The following IQSEC1 variants were observed in gnomAD, a reference collection of about 807,000 sequenced individuals.
The protein encoded by IQSEC1 is IQ motif and SEC7 domain-containing protein 1.
A neutral mutation model predicts 91.0 loss-of-function variants in IQSEC1; 31 were observed. The ratio of observed to expected loss-of-function variants is 0.34; its 90% confidence interval spans 0.26 to 0.46. The LOEUF (loss-of-function observed/expected upper bound fraction) is 0.46, where lower values mean the gene tolerates loss of function less well. Among genes scored for constraint, IQSEC1 ranks in the 20% least tolerant of loss-of-function variants. The pLI is 1.00. For missense variants in IQSEC1, 1,388 were observed against 1,575.6 expected (o/e 0.88, Z 2.02); for synonymous variants, 699 against 662.6 (o/e 1.05, Z -0.84).
At chr3:13,095,386 C>A (rs1705936912) in intron 2 of IQSEC1, among the ~76,000 whole-genome samples, 1 of 152,132 alleles carries the variant, frequency 6.6e-6, no homozygotes, top group Non-Finnish European at 1.5e-5. Flanking sequence ...TGGGATTTAA[C>A]CAGCCTTGGC....
intron 1 of IQSEC1, among the ~76,000 whole-genome samples, chr3:13,202,056 A>G (rs960058089): frequency 6.6e-5 from 10 of 152,212 alleles, no homozygotes; most frequent in African/African-American, 2.4e-4. Context: ...TGCTTCAGTG[A>G]TCAGACGTTG....
chr3:13,023,731 A>G (rs913460449), intron 1 of IQSEC1, among the ~76,000 whole-genome samples: 7 of 152,320 alleles, frequency 4.6e-5, no homozygotes, highest in African/African-American at 1.7e-4. Flanking sequence ...CTGAGCCAGG[A>G]AAGAACTTTT....
chr3:13,039,093 G>C (rs1031379615), intron 1 of IQSEC1, among the ~76,000 whole-genome samples: 1 of 152,202 alleles, frequency 6.6e-6, no homozygotes, highest in African/African-American at 2.4e-5. Context: ...CTTCCCACCT[G>C]AACTATTTCA....
chr3:13,176,231 A>G (rs537998826), intron 1 of IQSEC1, among the ~76,000 whole-genome samples: 1 of 152,328 alleles, frequency 6.6e-6, no homozygotes, highest in African/African-American at 2.4e-5. Flanking sequence ...AGATGACTAT[A>G]GCCCCCACCC....
At position 13,008,116 on chromosome 3, in the gene IQSEC1, T is replaced by C. The variant is rs2124887140; in HGVS notation, c.23+64876A>G. Among the ~76,000 whole-genome samples the C allele has an allele frequency of 6.6e-6, 1 of 152,308 alleles. No individual in the cohort carries two copies. Among genetic ancestry groups the C allele is most frequent in the East Asian group, 1.9e-4 (1 of 5,174 alleles). On this transcript the variant is annotated intron_variant, in intron 1 of 13. Coordinates refer to ENST00000613206, the MANE Select transcript of IQSEC1 (RefSeq NM_001134382.3). This position sits in a 1 kb window ranked among gnomAD's most constrained non-coding sequence, Gnocchi z 4.1. ...CCTTCTGAGTGTCTGTACCTGAAGATGAAACGGGGTTACTTAGGTACTTCT... is the reference window on the plus strand; with the variant it reads ...CCTTCTGAGTGTCTGTACCTGAAGACGAAACGGGGTTACTTAGGTACTTCT...
In IQSEC1 at chr3:12,897,296, GACAA is replaced by G. The variant is rs1376091508; in HGVS notation, c.*3683_*3686del. The G allele has an allele frequency of 5.9e-5, 9 of 152,242 alleles. No homozygotes were observed. Among genetic ancestry groups the G allele is most frequent in the Non-Finnish European group, 8.8e-5 (6 of 68,036 alleles). The allele number at this position is 152,242 out of a possible 1,614,324, so 9.4% of individuals were successfully genotyped here. A position where few individuals can be genotyped will look rare whatever the true frequency, so the allele number is the denominator to read the frequency against. ...TACATTGATAGAGTCTGTTGCCACT[GACAA>G]ACAGAATGCAGATGAAAACAAACGC... On this transcript the variant is annotated 3_prime_UTR_variant, in exon 14 of 14. Coordinates refer to ENST00000613206, the MANE Select transcript of IQSEC1 (RefSeq NM_001134382.3).
intron 2 of IQSEC1, among the ~76,000 whole-genome samples, chr3:13,083,026 G>T (rs374426986): frequency 9.2e-5 from 14 of 152,342 alleles, no homozygotes; most frequent in African/African-American, 3.1e-4. Context: ...GTCGACCTGA[G>T]AAGGGACTCT....
intron 1 of IQSEC1, among the ~76,000 whole-genome samples, chr3:13,191,652 T>C (rs993647709): frequency 2.6e-5 from 4 of 152,252 alleles, no homozygotes; most frequent in Non-Finnish European, 1.5e-5. Context: ...ACTGGTTTTT[T>C]ATCTTTTTAT....
rs562372153 is a variant in IQSEC1 at position 12,899,352 on chromosome 3, T to A, written c.*1631A>T. ...CGCCCTTTCTGAAAGGGCCTCCGCC[T>A]GGGCAGGCGCCGGGGGGCAGTCCTC... is the stretch of plus-strand genomic sequence containing the variant. On this transcript the variant is annotated 3_prime_UTR_variant, in exon 14 of 14. Coordinates refer to ENST00000613206, the MANE Select transcript of IQSEC1 (RefSeq NM_001134382.3). The A allele has an allele frequency of 1.2e-6, 2 of 1,610,016 alleles. No homozygotes were observed. The highest frequency in any genetic ancestry group is 2.2e-5 in the South Asian group (2 of 90,698).
rs1422111485 is a variant in IQSEC1 at position 13,016,391 on chromosome 3, C to A, written c.23+56601G>T. ...ACATCTCAACCGGCCTTCCCTGCCCCCAACGCCCCACCACTCCCTCTCCAC... is the reference window on the plus strand; with the variant it reads ...ACATCTCAACCGGCCTTCCCTGCCCACAACGCCCCACCACTCCCTCTCCAC... On this transcript the variant is annotated intron_variant, in intron 1 of 13. Coordinates refer to ENST00000613206, the MANE Select transcript of IQSEC1 (RefSeq NM_001134382.3). 3.3e-5 allele frequency among the ~76,000 whole-genome samples: 5 copies of A among 152,360 alleles called. No homozygotes were observed. In the East Asian group the frequency reaches 9.6e-4, roughly 29 times the overall value.
At chr3:12,902,657 ACAAAAAAAAAACC>A in intron 13 of IQSEC1, 103 bp downstream of exon 13, 1 of 533,000 alleles carries the variant, frequency 1.9e-6, no homozygotes. Context: ...AAAAAAAACA[ACAAAAAAAAAACC>A]AAAAAAAAAA....
At chr3:12,918,482 A>G (rs1166710862) in intron 6 of IQSEC1, among the ~76,000 whole-genome samples, 3 of 152,132 alleles carry the variant, frequency 2.0e-5, no homozygotes, top group African/African-American at 7.2e-5. Flanking sequence ...TGTCTCATCC[A>G]GCATATCCCA....
At chr3:12,966,347 A>C (rs992525569) in intron 1 of IQSEC1, among the ~76,000 whole-genome samples, 1 of 152,152 alleles carries the variant, frequency 6.6e-6, no homozygotes, top group African/African-American at 2.4e-5. Context: ...TGCGCTGCAC[A>C]ATTTTTGAAC....
At position 13,026,864 on chromosome 3, in the gene IQSEC1, G is replaced by GCTTTTTTTTTTTTTTTTTTTTTTTTTTT. The variant is rs370534423; in HGVS notation, c.23+46127_23+46128insAAAAAAAAAAAAAAAAAAAAAAAAAAAG. On this transcript the variant is annotated intron_variant, in intron 1 of 13. Transcript: ENST00000613206. ...TGAAGTAGCAGTTATTATCTCCCCA[G>GCTTTTTTTTTTTTTTTTTTTTTTTTTTT]TTTTTTTTTTTTTTGTTTGTTTTTT... 2.2e-5 allele frequency among the ~76,000 whole-genome samples: 2 copies of GCTTTTTTTTTTTTTTTTTTTTTTTTTTT among 90,864 alleles called. 1 individual carries two copies. The highest frequency in any genetic ancestry group is 4.9e-5 in the Non-Finnish European group (2 of 40,730). 59.6% of individuals were successfully genotyped at this position (90,864 alleles called of 152,430 possible).
chr3:13,101,039 G>A lies in IQSEC1; in HGVS notation c.303-53517C>T, dbSNP rs1477440817. Among the ~76,000 whole-genome samples, 2 of 151,828 alleles carry A rather than the reference G, an allele frequency of 1.3e-5. 1 individual carries two copies. The highest frequency in any genetic ancestry group is 2.9e-5 in the Non-Finnish European group (2 of 67,978). On this transcript the variant is annotated intron_variant, in intron 2 of 15. Transcript: ENST00000648114. ...CCCATGTGTCTGAAGAGCTGCAAGG[G>A]GGCCGAGAGGCTGGGAGGGACTGAG...
chr3:13,075,387 G>A (rs1052752385), upstream of IQSEC1, among the ~76,000 whole-genome samples: 7 of 152,248 alleles, frequency 4.6e-5, no homozygotes, highest in South Asian at 6.2e-4. Flanking sequence ...AGCCTGGCTC[G>A]GGCTAGAGCA....
chr3:13,180,711 G>A (rs966829121), intron 1 of IQSEC1, among the ~76,000 whole-genome samples: 15 of 144,584 alleles, frequency 1.0e-4, no homozygotes, highest in African/African-American at 4.4e-4. Context: ...TGAAGCCAGC[G>A]AGCTCACGAG....
chr3:13,148,168 C>T (rs1706927877), intron 2 of IQSEC1, among the ~76,000 whole-genome samples: 1 of 152,160 alleles, frequency 6.6e-6, no homozygotes, highest in South Asian at 2.1e-4. Context: ...TAGGCCACTT[C>T]CTCTGTTTGC....
rs545845419 is a variant in IQSEC1 at position 13,085,850 on chromosome 3, C to T, written c.303-38328G>A. On this transcript the variant is annotated intron_variant, in intron 2 of 15. Transcript: ENST00000648114. ...CTCGAGGCTGCCCAGGCCCTTCCTG[C>T]GGGGAACACAGACATAGTGTCTTCA... 5.4e-4 allele frequency among the ~76,000 whole-genome samples: 83 copies of T among 152,330 alleles called. No individual in the cohort carries two copies. The South Asian group carries it at 0.015, about 27-fold the overall frequency.
Sources: allele counts gnomAD v4.1 joint callset (sites outside exome capture counted in the v4.1 genomes callset), GRCh38; gene constraint gnomAD v4.1.1; non-coding constraint Gnocchi (gnomAD v3.1); transcripts MANE v1.5; gene names NCBI Gene and HGNC (gene_info 2026-07-23, HGNC 2026-07-21).